Variants in MYO16 observed in about 807,000 individuals in gnomAD.
The protein encoded by MYO16 is unconventional myosin-XVI.
A neutral mutation model predicts 205.3 loss-of-function variants in MYO16; 94 were observed. The ratio of observed to expected loss-of-function variants is 0.46; its 90% CI spans 0.39 to 0.54. The LOEUF (loss-of-function observed/expected upper bound fraction) is 0.54, where lower values mean the gene tolerates loss of function less well. Ranked by LOEUF, MYO16 falls within the 20% of genes least tolerant of loss-of-function variation. MYO16 has a pLI of 0.00. For missense variants in MYO16, 2,315 were observed against 2,387.5 expected, an observed-to-expected ratio of 0.97 and a Z score of 0.63; for synonymous variants, 988 against 954.0, an observed-to-expected ratio of 1.04 and a Z score of -0.66.
intron 2 of MYO16, among the ~76,000 whole-genome samples, chr13:108,684,129 C>T (rs4771596): frequency 0.19 from 28,635 of 152,238 alleles, 2,921 homozygotes; most frequent in Middle Eastern, 0.25. Flanking sequence ...CCGCCTCGGC[C>T]TCCCGAAGTG....
At chr13:108,865,339 A>G (rs945311229) in intron 11 of MYO16, among the ~76,000 whole-genome samples, 2 of 152,166 alleles carry the variant, frequency 1.3e-5, no homozygotes, top group Non-Finnish European at 2.9e-5. Flanking sequence ...GCTAGATTTT[A>G]GTCTTCTAGA....
rs779882266 is a variant in MYO16 at position 109,019,728 on chromosome 13, C to T, written c.2613C>T (p.Leu871=). The T allele has an allele frequency of 1.2e-6, 2 of 1,613,904 alleles. No individual in the cohort carries two copies. Among genetic ancestry groups the T allele is most frequent in the East Asian group, 2.2e-5 (1 of 44,862 alleles). Residue 871 remains leucine (L), a synonymous_variant, in exon 23 of 35, where the codon CTC becomes CTT. Coordinates refer to ENST00000457511, the MANE Select transcript of MYO16 (RefSeq NM_001198950.3). The part of the protein sequence containing the change: ...DFFFQKPSGF[L]TLLDEESQMI... Reference sequence around the variant, plus strand: ...ACTCTCAGAAGCCATCTGGATTTCTCACCTTATTGGATGAAGAAAGTCAAA... The same window carrying T: ...ACTCTCAGAAGCCATCTGGATTTCTTACCTTATTGGATGAAGAAAGTCAAA...
intron 21 of MYO16, among the ~76,000 whole-genome samples, chr13:108,995,569 C>T (rs1884975846): frequency 6.6e-6 from 1 of 152,018 alleles, no homozygotes; most frequent in Non-Finnish European, 1.5e-5. Flanking sequence ...AGGTATATCT[C>T]CAAATGCTAT....
chr13:108,921,239 G>C (rs1881734058), intron 16 of MYO16, among the ~76,000 whole-genome samples: 1 of 152,080 alleles, frequency 6.6e-6, no homozygotes, highest in African/African-American at 2.4e-5. Flanking sequence ...TTGTCCACCG[G>C]GCCTTCCTCT....
intron 34 of MYO16, among the ~76,000 whole-genome samples, chr13:109,187,232 T>A (rs1879724490): frequency 6.6e-6 from 1 of 152,242 alleles, no homozygotes; most frequent in Non-Finnish European, 1.5e-5. Context: ...TGGATAATAT[T>A]CCTTGCCAGT....
intron 20 of MYO16, among the ~76,000 whole-genome samples, chr13:108,967,970 T>C (rs575409883): frequency 6.6e-6 from 1 of 152,338 alleles, no homozygotes; most frequent in African/African-American, 2.4e-5. Flanking sequence ...GCATTTCTTT[T>C]TCTAAACTAT....
chr13:108,928,880 T>G (rs1210461882), intron 16 of MYO16, among the ~76,000 whole-genome samples: 2 of 152,188 alleles, frequency 1.3e-5, no homozygotes, highest in Non-Finnish European at 2.9e-5. Flanking sequence ...ATGGCCATAT[T>G]CAGGTCATGG....
At chr13:108,552,829 G>A in the MYO16 span, among the ~76,000 whole-genome samples, 2 of 152,048 alleles carry the variant, frequency 1.3e-5, no homozygotes, top group East Asian at 3.9e-4. Context: ...TCAAGGTGAT[G>A]CATCTGTGGA....
intron 23 of MYO16, among the ~76,000 whole-genome samples, chr13:109,037,191 G>A (rs1858979847): frequency 1.3e-5 from 2 of 152,166 alleles, no homozygotes; most frequent in Admixed American, 6.5e-5. Context: ...TGAATTGCCC[G>A]GGAGGCCACT....
intron 13 of MYO16, among the ~76,000 whole-genome samples, chr13:108,883,456 C>CT (rs1482628973): frequency 6.6e-6 from 1 of 152,064 alleles, no homozygotes; most frequent in African/African-American, 2.4e-5. Flanking sequence ...AAAGTTTTTG[C>CT]TTTTGAACCT....
At chr13:108,787,747 T>G (rs1222472297) in intron 5 of MYO16, among the ~76,000 whole-genome samples, 1 of 152,248 alleles carries the variant, frequency 6.6e-6, no homozygotes, top group Non-Finnish European at 1.5e-5. Flanking sequence ...GTTAAATACA[T>G]GTTTGCTGGA....
chr13:108,534,300 A>C, the MYO16 span, among the ~76,000 whole-genome samples: 1 of 152,178 alleles, frequency 6.6e-6, no homozygotes, highest in African/African-American at 2.4e-5. Flanking sequence ...ACATATTGTT[A>C]TTGAAAGTGG....
At chr13:108,955,773 C>T (rs1883325386) in intron 16 of MYO16, among the ~76,000 whole-genome samples, 1 of 152,176 alleles carries the variant, frequency 6.6e-6, no homozygotes, top group South Asian at 2.1e-4. Flanking sequence ...ATTGCTTGAA[C>T]CCGGGAGGTG....
chr13:108,590,923 T>C, the MYO16 span, among the ~76,000 whole-genome samples: 2 of 152,228 alleles, frequency 1.3e-5, no homozygotes, highest in Non-Finnish European at 2.9e-5. Flanking sequence ...TAAGCCACCA[T>C]GTTTGTGCTA....
chr13:108,951,054 G>A (rs1247307737), intron 16 of MYO16, among the ~76,000 whole-genome samples: 1 of 150,304 alleles, frequency 6.7e-6, no homozygotes, highest in Non-Finnish European at 1.5e-5. Flanking sequence ...TTTTGTTTTT[G>A]TTTTTTACTT....
chr13:109,154,356 G>T (rs1180047230), intron 32 of MYO16, among the ~76,000 whole-genome samples: 1 of 152,160 alleles, frequency 6.6e-6, no homozygotes, highest in East Asian at 1.9e-4. Context: ...TCTCCTTGGT[G>T]AAATGTTGAC....
chr13:109,033,830 AATT>A (rs1886622832), intron 23 of MYO16, among the ~76,000 whole-genome samples: 1 of 152,172 alleles, frequency 6.6e-6, no homozygotes, highest in African/African-American at 2.4e-5. Context: ...ACTCTGGAAG[AATT>A]GGGCTATGAA....
chr13:108,668,618 C>T (rs1238484786), intron 2 of MYO16, among the ~76,000 whole-genome samples: 1 of 152,208 alleles, frequency 6.6e-6, no homozygotes, highest in African/African-American at 2.4e-5. Context: ...CCGTCTCCAA[C>T]ATCAACAGTG....
At chr13:108,994,773 G>A (rs1202353427) in intron 21 of MYO16, among the ~76,000 whole-genome samples, 2 of 152,054 alleles carry the variant, frequency 1.3e-5, no homozygotes, top group Non-Finnish European at 2.9e-5. Flanking sequence ...AAAGTTCAAC[G>A]AACATGTTTT....
Sources: allele counts gnomAD v4.1 joint callset (sites outside exome capture counted in the v4.1 genomes callset), GRCh38; gene constraint gnomAD v4.1.1; transcripts MANE v1.5; gene names NCBI Gene and HGNC (gene_info 2026-07-23, HGNC 2026-07-21).